The following ERBB4 variants were observed in gnomAD, a reference collection of about 807,000 sequenced individuals.
ERBB4 encodes the protein receptor tyrosine-protein kinase erbB-4.
Under a neutral mutation model 158.0 loss-of-function variants are expected in ERBB4, and 42 were observed. The ratio of observed to expected loss-of-function variants is 0.27; its 90% CI spans 0.21 to 0.34. The LOEUF (loss-of-function observed/expected upper bound fraction) is 0.34, where lower values mean the gene tolerates loss of function less well. Among genes scored for constraint, ERBB4 ranks in the 10% least tolerant of loss-of-function variants. The pLI, the probability that ERBB4 is intolerant of heterozygous loss-of-function variation, is 1.00. For synonymous variants in ERBB4, 583 were observed against 558.7 expected (o/e 1.04, Z -0.61); for missense variants, 1,333 against 1,624.1 (o/e 0.82, Z 3.08).
chr2:211,418,842 T>C (rs2063451881), intron 25 of ERBB4, among the ~76,000 whole-genome samples: 1 of 152,148 alleles, frequency 6.6e-6, no homozygotes, highest in Admixed American at 6.5e-5. Flanking sequence ...AAAGACTGAT[T>C]ATTCATTACC....
intron 2 of ERBB4, among the ~76,000 whole-genome samples, chr2:212,008,666 A>G (rs1016227652): frequency 6.6e-6 from 1 of 152,150 alleles, no homozygotes; most frequent in Non-Finnish European, 1.5e-5. Flanking sequence ...AGGCTCATAG[A>G]CTATGCTGGC....
At chr2:211,410,230 A>C (rs564924659) in intron 25 of ERBB4, among the ~76,000 whole-genome samples, 5 of 152,284 alleles carry the variant, frequency 3.3e-5, no homozygotes, top group African/African-American at 9.6e-5. Flanking sequence ...ATTTGTTTTA[A>C]ATGTATATAT....
intron 2 of ERBB4, among the ~76,000 whole-genome samples, chr2:212,050,611 T>A (rs1205041954): frequency 6.6e-6 from 1 of 152,190 alleles, no homozygotes; most frequent in African/African-American, 2.4e-5. Context: ...CTGCTGATAT[T>A]ACTTCCAAAA....
At chr2:212,022,932 T>G (rs1488371383) in intron 2 of ERBB4, among the ~76,000 whole-genome samples, 1 of 152,108 alleles carries the variant, frequency 6.6e-6, no homozygotes, top group African/African-American at 2.4e-5. Flanking sequence ...TATGTGGAAG[T>G]AAGGAGGGCC....
chr2:211,645,423 T>C (rs904762739), intron 16 of ERBB4, among the ~76,000 whole-genome samples: 2 of 151,616 alleles, frequency 1.3e-5, no homozygotes, highest in Middle Eastern at 3.4e-3. Flanking sequence ...GAATTGTTTA[T>C]ATATATATAT....
chr2:211,831,771 C>T (rs567845599), intron 3 of ERBB4, among the ~76,000 whole-genome samples: 1 of 152,048 alleles, frequency 6.6e-6, no homozygotes, highest in Admixed American at 6.6e-5. Context: ...GGCGTGGCAG[C>T]AGGTGCATAT....
chr2:212,474,519 A>G (rs1367239909), intron 1 of ERBB4, among the ~76,000 whole-genome samples: 1 of 152,132 alleles, frequency 6.6e-6, no homozygotes, highest in Non-Finnish European at 1.5e-5. Context: ...ACTTGTCCCA[A>G]GCTTCAAGGG....
At chr2:212,012,475 GGCGCAA>G in intron 2 of ERBB4, among the ~76,000 whole-genome samples, 1 of 149,436 alleles carries the variant, frequency 6.7e-6, no homozygotes. Flanking sequence ...GGAGTGCGGT[GGCGCAA>G]TCTCAGCTCA....
At chr2:211,384,105 A>C (rs772255847) in intron 27 of ERBB4, 45 bp from the exon 28 acceptor site, 33 of 1,421,472 alleles carry the variant, frequency 2.3e-5, no homozygotes, top group Non-Finnish European at 3.2e-5. Flanking sequence ...TTTCTGGAAA[A>C]TATTAATCAG....
intron 1 of ERBB4, among the ~76,000 whole-genome samples, chr2:212,451,061 G>A (rs775802613): frequency 1.3e-5 from 2 of 152,080 alleles, no homozygotes; most frequent in African/African-American, 4.8e-5. Flanking sequence ...TATATACTAG[G>A]CTCCCTATTA....
chr2:212,146,966 G>C (rs1177124793), intron 1 of ERBB4, among the ~76,000 whole-genome samples: 1 of 146,742 alleles, frequency 6.8e-6, no homozygotes, highest in Non-Finnish European at 1.5e-5. Flanking sequence ...GCAGAGAGAA[G>C]CTCTGTTGTC....
intron 1 of ERBB4, among the ~76,000 whole-genome samples, chr2:212,307,804 T>C (rs2086868967): frequency 6.6e-6 from 1 of 151,144 alleles, no homozygotes; most frequent in Non-Finnish European, 1.5e-5. Context: ...ATATTTTCTT[T>C]TGAAAATTAA....
intron 13 of ERBB4, among the ~76,000 whole-genome samples, chr2:211,678,801 C>T (rs1178975616): frequency 6.6e-6 from 1 of 151,682 alleles, no homozygotes; most frequent in South Asian, 2.1e-4. Flanking sequence ...CCCGTCTCTA[C>T]TAAAAAATAC....
chr2:211,389,698 G>C (rs1271297355), intron 25 of ERBB4, among the ~76,000 whole-genome samples: 1 of 152,078 alleles, frequency 6.6e-6, no homozygotes, highest in Non-Finnish European at 1.5e-5. Flanking sequence ...AATGACCTGG[G>C]CTCCAGTTCC....
At chr2:212,018,658 G>C (rs1473638) in intron 2 of ERBB4, among the ~76,000 whole-genome samples, 2 of 151,924 alleles carry the variant, frequency 1.3e-5, no homozygotes, top group South Asian at 4.1e-4. Flanking sequence ...ATTTTATAGG[G>C]TTCATAGAAC....
intron 1 of ERBB4, among the ~76,000 whole-genome samples, chr2:212,193,468 G>T (rs934339986): frequency 1.3e-5 from 2 of 151,992 alleles, no homozygotes; most frequent in Non-Finnish European, 2.9e-5. Flanking sequence ...CAAATAAGAA[G>T]ATAGAAAACA....
At chr2:211,680,150 T>C (rs1341859074) in intron 12 of ERBB4, among the ~76,000 whole-genome samples, 2 of 152,232 alleles carry the variant, frequency 1.3e-5, no homozygotes, top group Non-Finnish European at 2.9e-5. Flanking sequence ...TAGTGTTATC[T>C]CTATGTTATC....
intron 12 of ERBB4, among the ~76,000 whole-genome samples, chr2:211,682,728 T>C (rs565106992): frequency 6.6e-6 from 1 of 152,300 alleles, no homozygotes; most frequent in Non-Finnish European, 1.5e-5. Context: ...CATAGTATTT[T>C]TCCATAATTT....
chr2:212,384,507 C>G (rs939870881), intron 1 of ERBB4, among the ~76,000 whole-genome samples: 4 of 151,580 alleles, frequency 2.6e-5, no homozygotes, highest in African/African-American at 9.7e-5. Context: ...ATTCCTGAAA[C>G]TACTGTGACA....
Sources: allele counts gnomAD v4.1 joint callset (sites outside exome capture counted in the v4.1 genomes callset), GRCh38; gene constraint gnomAD v4.1.1; transcripts MANE v1.5; gene names NCBI Gene and HGNC (gene_info 2026-07-23, HGNC 2026-07-21).